Variants in NUP62CL observed in about 807,000 individuals in gnomAD.
NUP62CL encodes nucleoporin-62 C-terminal-like protein.
A neutral mutation model predicts 15.3 loss-of-function variants in NUP62CL; 13 were observed. That is an observed-to-expected ratio of 0.85 (90% CI 0.55 to 1.35). NUP62CL has a LOEUF of 1.35. Ranked by LOEUF, NUP62CL falls within the 40% of genes most tolerant of loss-of-function variation. NUP62CL has a pLI of 0.00. For synonymous variants in NUP62CL, 54 were observed against 49.2 expected (o/e 1.10, Z -0.41); for missense variants, 123 against 130.6 (o/e 0.94, Z 0.28).
intron 8 of NUP62CL, among the ~76,000 whole-genome samples, chrX:107,146,379 T>C (rs1260152852): frequency 8.9e-6 from 1 of 111,784 alleles, no homozygotes; most frequent in Non-Finnish European, 1.9e-5. Context: ...CTTTATGGTA[T>C]GTAAATTATG....
At chrX:107,175,457 T>C (rs1315467864) in intron 2 of NUP62CL, among the ~76,000 whole-genome samples, 2 of 111,709 alleles carry the variant, frequency 1.8e-5, no homozygotes, top group Admixed American at 1.9e-4. Flanking sequence ...AGAGGGGGGA[T>C]CCACTTCCAG....
At chrX:107,169,654 A>G (rs1033933506) in intron 3 of NUP62CL, among the ~76,000 whole-genome samples, 1 of 111,930 alleles carries the variant, frequency 8.9e-6, no homozygotes, top group Admixed American at 9.5e-5. Context: ...CTTTACAACC[A>G]TAAGTCATCA....
rs762237312 is a variant in NUP62CL, at chrX:107,152,187, G to GAT, written c.530+983_530+984dup. ...ATATATTCAGATATATATATATTCA[G>GAT]ATATATATATATATATGACTACAAA... is the stretch of plus-strand genomic sequence containing the variant. On this transcript the variant is annotated intron_variant, in intron 7 of 8. Transcript: ENST00000372466. 3.3e-3 allele frequency among the ~76,000 whole-genome samples: 258 copies of GAT among 77,405 alleles called. 2 individuals are homozygous for GAT. Among genetic ancestry groups the GAT allele is most frequent in the African/African-American group, 0.011 (215 of 19,582 alleles). The allele number at this position is 77,405 out of a possible 115,157, so 67.2% of individuals were successfully genotyped here. A position where few individuals can be genotyped will look rare whatever the true frequency, so the allele number is the denominator to read the frequency against.
intron 6 of NUP62CL, 65 bp from the exon 7 acceptor site, chrX:107,153,371 TAAC>T (rs1433622485): frequency 1.9e-5 from 21 of 1,109,125 alleles, no homozygotes; most frequent in Non-Finnish European, 1.7e-5. Flanking sequence ...AGAAAAGAGT[TAAC>T]AAACTACAGA....
At chrX:107,161,853 T>C (rs1397793808) in intron 4 of NUP62CL, among the ~76,000 whole-genome samples, 1 of 83,402 alleles carries the variant, frequency 1.2e-5, no homozygotes, top group Non-Finnish European at 2.3e-5. Flanking sequence ...ACCTATCATA[T>C]CAAAACCGAG....
intron 8 of NUP62CL, chrX:107,132,277 T>C (rs1389317845): frequency 8.0e-6 from 8 of 999,619 alleles, no homozygotes; most frequent in Non-Finnish European, 1.1e-5. Context: ...TAGAAATCAC[T>C]CCTAGATGAA....
At chrX:107,177,611 AC>A (rs1426644720) in intron 2 of NUP62CL, among the ~76,000 whole-genome samples, 1 of 111,812 alleles carries the variant, frequency 8.9e-6, no homozygotes, top group Non-Finnish European at 1.9e-5. Flanking sequence ...CAAATGGCCA[AC>A]AAAGCACATG....
intron 8 of NUP62CL, among the ~76,000 whole-genome samples, chrX:107,143,735 C>T (rs1403641049): frequency 8.9e-6 from 1 of 111,796 alleles, no homozygotes. Context: ...TAAAATAACA[C>T]ATCTATTACT....
intron 2 of NUP62CL, among the ~76,000 whole-genome samples, chrX:107,179,429 T>C (rs1275300697): frequency 8.9e-6 from 1 of 111,739 alleles, no homozygotes; most frequent in Non-Finnish European, 1.9e-5. Context: ...TCTCTCCTTT[T>C]GGAGTCCCTA....
At chrX:107,164,521 A>C (rs1926462538) in intron 4 of NUP62CL, among the ~76,000 whole-genome samples, 1 of 111,562 alleles carries the variant, frequency 9.0e-6, no homozygotes, top group Non-Finnish European at 1.9e-5. Context: ...GAAAACATGA[A>C]AAGAATAGAA....
intron 8 of NUP62CL, among the ~76,000 whole-genome samples, chrX:107,138,988 T>G (rs775538662): frequency 4.5e-5 from 5 of 111,927 alleles, no homozygotes; most frequent in African/African-American, 1.6e-4. Context: ...ATCAAACTAT[T>G]GATACACACA....
chrX:107,150,115 T>C, intron 7 of NUP62CL, among the ~76,000 whole-genome samples: 1 of 111,652 alleles, frequency 9.0e-6, no homozygotes, highest in East Asian at 2.8e-4. Context: ...TCTCAAATAG[T>C]CAACCTAACA....
chrX:107,161,333 G>T (rs1273464105), intron 4 of NUP62CL, among the ~76,000 whole-genome samples: 2 of 100,938 alleles, frequency 2.0e-5, no homozygotes, highest in African/African-American at 3.6e-5. Flanking sequence ...ACATGCACAC[G>T]TATGTTTATT....
At chrX:107,199,159 C>G (rs1407311602) in intron 1 of NUP62CL, among the ~76,000 whole-genome samples, 1 of 111,507 alleles carries the variant, frequency 9.0e-6, no homozygotes, top group Admixed American at 9.5e-5. Flanking sequence ...CTTATTGAAA[C>G]TGAAATCCCT....
At chrX:107,189,890 AAAGAAAG>A (rs1927183244) in intron 2 of NUP62CL, among the ~76,000 whole-genome samples, 18 of 84,261 alleles carry the variant, frequency 2.1e-4, no homozygotes, top group Admixed American at 9.0e-4. Context: ...AGAAAGAAAG[AAAGAAAG>A]AAAGAAAGAA....
At chrX:107,189,886 AAAGAAAGAAAG>A (rs1569365623) in intron 2 of NUP62CL, among the ~76,000 whole-genome samples, 15 of 63,507 alleles carry the variant, frequency 2.4e-4, no homozygotes, top group Middle Eastern at 8.9e-3. Flanking sequence ...GAAAAGAAAG[AAAGAAAGAAAG>A]AAAGAAAGAA....
intron 8 of NUP62CL, among the ~76,000 whole-genome samples, chrX:107,130,443 C>T (rs1461406315): frequency 8.9e-6 from 1 of 112,199 alleles, no homozygotes. Flanking sequence ...CCTTTTCAGA[C>T]AGGCAAGGTC....
chrX:107,175,918 T>C lies in NUP62CL; in HGVS notation c.-47-725A>G, dbSNP rs753311405. Among the ~76,000 whole-genome samples, 9 of 111,070 alleles carry C rather than the reference T, an allele frequency of 8.1e-5. No homozygotes were observed. The South Asian group carries it at 3.1e-3, about 38-fold the overall frequency. ...CTTCCTTTACTCACAGGGTGGAGACTCTACCCCAAGTAGAGAAGGCTGAGA... is the reference window on the plus strand; with the variant it reads ...CTTCCTTTACTCACAGGGTGGAGACCCTACCCCAAGTAGAGAAGGCTGAGA... On this transcript the variant is annotated intron_variant, in intron 2 of 8. Coordinates refer to ENST00000372466, the MANE Select transcript of NUP62CL (RefSeq NM_017681.3).
At chrX:107,189,613 AAAT>A (rs112376938) in intron 2 of NUP62CL, among the ~76,000 whole-genome samples, 6 of 99,859 alleles carry the variant, frequency 6.0e-5, no homozygotes, top group East Asian at 3.2e-4. Context: ...CCGTCCCTAC[AAAT>A]AATAATAATA....
Sources: allele counts gnomAD v4.1 joint callset (sites outside exome capture counted in the v4.1 genomes callset), GRCh38; gene constraint gnomAD v4.1.1; transcripts MANE v1.5; gene names NCBI Gene and HGNC (gene_info 2026-07-23, HGNC 2026-07-21).